Variants in GRM8 observed in about 807,000 individuals in gnomAD.
The protein encoded by GRM8 is metabotropic glutamate receptor 8.
Under a neutral mutation model 87.2 loss-of-function variants are expected in GRM8, and 47 were observed. The observed-to-expected ratio is 0.54, with a 90% CI of 0.43 to 0.69. GRM8 has a LOEUF of 0.69. Among genes scored for constraint, GRM8 ranks in the 30% least tolerant of loss-of-function variants. The pLI, the probability that GRM8 is intolerant of heterozygous loss-of-function variation, is 0.00. For synonymous variants in GRM8, 396 were observed against 404.5 expected, an observed-to-expected ratio of 0.98 and a Z score of 0.25; for missense variants, 1,019 against 1,139.2, an observed-to-expected ratio of 0.89 and a Z score of 1.52.
chr7:126,673,468 A>G (rs543867038), intron 7 of GRM8, among the ~76,000 whole-genome samples: 23 of 152,306 alleles, frequency 1.5e-4, no homozygotes, highest in Non-Finnish European at 2.9e-4. Context: ...GACAAATTCT[A>G]TGTTGCCTCA....
At chr7:127,011,786 A>G (rs1814924260) in intron 3 of GRM8, among the ~76,000 whole-genome samples, 1 of 152,126 alleles carries the variant, frequency 6.6e-6, no homozygotes, top group South Asian at 2.1e-4. Context: ...ACTTTGTGTG[A>G]TAGTACTTTC....
At chr7:126,674,840 A>T (rs533553716) in intron 7 of GRM8, among the ~76,000 whole-genome samples, 2 of 152,314 alleles carry the variant, frequency 1.3e-5, no homozygotes, top group Non-Finnish European at 2.9e-5. Flanking sequence ...GGAAAAAAGA[A>T]TCAGAATTCT....
chr7:126,900,413 C>T (rs561573946), intron 6 of GRM8, among the ~76,000 whole-genome samples: 1 of 152,348 alleles, frequency 6.6e-6, no homozygotes, highest in South Asian at 2.1e-4. Context: ...GTTATATAAA[C>T]ACAACACTAT....
chr7:127,213,787 G>T (rs558246656), intron 2 of GRM8, among the ~76,000 whole-genome samples: 2 of 152,196 alleles, frequency 1.3e-5, no homozygotes, highest in South Asian at 2.1e-4. Context: ...ATATGGTTTT[G>T]TTTACTGAAC....
At chr7:126,620,524 T>C (rs547848621) in intron 7 of GRM8, among the ~76,000 whole-genome samples, 4 of 152,054 alleles carry the variant, frequency 2.6e-5, no homozygotes, top group Non-Finnish European at 5.9e-5. Flanking sequence ...TTTTTTCAAA[T>C]GTTGGCTCTT....
intron 8 of GRM8, among the ~76,000 whole-genome samples, chr7:126,536,852 C>CAAAAA (rs1815806165): frequency 6.6e-6 from 1 of 151,690 alleles, no homozygotes; most frequent in South Asian, 2.1e-4. Flanking sequence ...CAAAACAAAA[C>CAAAAA]AAAAAATGAA....
At chr7:126,681,022 A>C (rs796727929) in intron 7 of GRM8, among the ~76,000 whole-genome samples, 40 of 152,154 alleles carry the variant, frequency 2.6e-4, no homozygotes, top group African/African-American at 8.7e-4. Flanking sequence ...GAGTTTAATA[A>C]GAAGTTATTC....
chr7:126,628,792 T>C (rs781482756), intron 7 of GRM8, among the ~76,000 whole-genome samples: 8 of 152,090 alleles, frequency 5.3e-5, no homozygotes, highest in Non-Finnish European at 8.8e-5. Flanking sequence ...AGTGTTTTCA[T>C]AGATGCATAT....
chr7:127,228,216 C>T (rs1797464005), intron 2 of GRM8, among the ~76,000 whole-genome samples: 1 of 152,168 alleles, frequency 6.6e-6, no homozygotes, highest in Non-Finnish European at 1.5e-5. Context: ...TTCCATGTAA[C>T]CTTAGATAAG....
chr7:126,736,571 C>T (rs1370747135), intron 7 of GRM8, among the ~76,000 whole-genome samples: 2 of 151,940 alleles, frequency 1.3e-5, no homozygotes, highest in Non-Finnish European at 2.9e-5. Context: ...TGTCCCTCTC[C>T]TTACATTTAG....
chr7:126,493,719 C>T (rs1808331051), intron 9 of GRM8, among the ~76,000 whole-genome samples: 1 of 151,966 alleles, frequency 6.6e-6, no homozygotes, highest in Non-Finnish European at 1.5e-5. Context: ...GGTGCTTTTT[C>T]ATTTTCTAAG....
intron 6 of GRM8, among the ~76,000 whole-genome samples, chr7:126,789,703 T>C (rs2151668899): frequency 6.6e-6 from 1 of 152,342 alleles, no homozygotes; most frequent in South Asian, 2.1e-4. Context: ...ATATGGATAT[T>C]ATCTGATAAT....
Position 127,252,547 on chromosome 7 carries a change from G to C in GRM8, c.-312+250C>G, listed in dbSNP as rs539724722. 1.2e-3 allele frequency among the ~76,000 whole-genome samples: 176 copies of C among 152,226 alleles called. 1 individual carries two copies. Among genetic ancestry groups the C allele is most frequent in the East Asian group, 6.2e-3 (32 of 5,164 alleles). ...CCCGCTATTTCTCTCACAGACTACG[G>C]ACATGCAGGGCCATCTACTTGTGCT... On this transcript the variant is annotated intron_variant, in intron 1 of 10. Coordinates refer to ENST00000339582, the MANE Select transcript of GRM8 (RefSeq NM_000845.3). The surrounding 1 kb of genome is among the most constrained non-coding windows in gnomAD (Gnocchi z 4.9).
intron 3 of GRM8, among the ~76,000 whole-genome samples, chr7:127,027,861 A>C (rs1048625214): frequency 4.6e-5 from 7 of 152,162 alleles, no homozygotes; most frequent in Non-Finnish European, 1.0e-4. Context: ...AGAACTTCCA[A>C]TATTATGTTG....
chr7:126,739,696 C>T (rs1010669071), intron 7 of GRM8, among the ~76,000 whole-genome samples: 1 of 150,944 alleles, frequency 6.6e-6, no homozygotes, highest in Admixed American at 6.6e-5. Flanking sequence ...ATTACTAATG[C>T]TTGTTTATAA....
intron 7 of GRM8, among the ~76,000 whole-genome samples, chr7:126,662,546 G>A: frequency 6.6e-6 from 1 of 152,126 alleles, no homozygotes; most frequent in East Asian, 1.9e-4. Context: ...AAAGGTGGGG[G>A]CAGGAAGGCA....
intron 8 of GRM8, among the ~76,000 whole-genome samples, chr7:126,605,022 A>G (rs1168995179): frequency 1.3e-5 from 2 of 152,146 alleles, no homozygotes; most frequent in East Asian, 1.9e-4. Context: ...CAATAAAAAC[A>G]TATGTTTCAT....
At chr7:126,452,940 T>G (rs761440261) in intron 9 of GRM8, among the ~76,000 whole-genome samples, 2 of 151,634 alleles carry the variant, frequency 1.3e-5, no homozygotes, top group Non-Finnish European at 2.9e-5. Flanking sequence ...TAATAAGGGA[T>G]AGCTTTATTG....
At chr7:126,480,363 G>A (rs1212026617) in intron 9 of GRM8, among the ~76,000 whole-genome samples, 1 of 151,682 alleles carries the variant, frequency 6.6e-6, no homozygotes, top group African/African-American at 2.4e-5. Flanking sequence ...CAGTCTGGTT[G>A]ACAGAGTGAG....
Sources: allele counts gnomAD v4.1 joint callset (sites outside exome capture counted in the v4.1 genomes callset), GRCh38; gene constraint gnomAD v4.1.1; non-coding constraint Gnocchi (gnomAD v3.1); transcripts MANE v1.5; gene names NCBI Gene and HGNC (gene_info 2026-07-23, HGNC 2026-07-21).